The following CMSS1 variants were observed in gnomAD, a reference collection of about 807,000 sequenced individuals.
CMSS1 encodes cms1 ribosomal small subunit homolog, also known as protein CMSS1.
Under a neutral mutation model 43.5 loss-of-function variants are expected in CMSS1, and 33 were observed. The observed-to-expected ratio is 0.76, with a 90% CI of 0.57 to 1.01. The LOEUF is 1.01. Among genes scored for constraint, CMSS1 ranks in the 50% least tolerant of loss-of-function variants. The probability of loss-of-function intolerance (pLI) is 0.00; values close to 1 mark genes in which losing one functional copy is unlikely to be tolerated. For synonymous variants in CMSS1, 115 were observed against 117.2 expected, an observed-to-expected ratio of 0.98 and a Z score of 0.12; for missense variants, 313 against 326.4, an observed-to-expected ratio of 0.96 and a Z score of 0.32.
chr3:100,055,853 A>C (rs956801151), intron 1 of CMSS1, among the ~76,000 whole-genome samples: 1 of 152,226 alleles, frequency 6.6e-6, no homozygotes, highest in African/African-American at 2.4e-5. Context: ...CCACAATATG[A>C]AGGGTAGATA....
At chr3:100,173,864 C>T (rs1207902778) in intron 8 of CMSS1, among the ~76,000 whole-genome samples, 1 of 152,206 alleles carries the variant, frequency 6.6e-6, no homozygotes, top group Non-Finnish European at 1.5e-5. Flanking sequence ...AACTTACCAG[C>T]TCTGTGACCT....
At chr3:99,889,557 A>C (rs938537612) in intron 1 of CMSS1, among the ~76,000 whole-genome samples, 1 of 151,950 alleles carries the variant, frequency 6.6e-6, no homozygotes, top group Non-Finnish European at 1.5e-5. Flanking sequence ...TTTTAGCAGG[A>C]TCATTTTGTC....
chr3:100,147,181 A>T, intron 2 of CMSS1, 120 bp downstream of exon 2: 5 of 1,058,120 alleles, frequency 4.7e-6, no homozygotes, highest in South Asian at 2.7e-5. Context: ...AGAGCCTTTT[A>T]CTTTCTTTCC....
chr3:99,944,966 T>C (rs1345131243), intron 1 of CMSS1, among the ~76,000 whole-genome samples: 1 of 152,206 alleles, frequency 6.6e-6, no homozygotes, highest in Non-Finnish European at 1.5e-5. Flanking sequence ...CTACTGTTCA[T>C]TATTCGGCTC....
intron 1 of CMSS1, among the ~76,000 whole-genome samples, chr3:99,949,581 C>G (rs1401902901): frequency 1.3e-5 from 2 of 152,154 alleles, no homozygotes; most frequent in South Asian, 2.1e-4. Flanking sequence ...GAATCTTTCT[C>G]AGGGCACTAA....
chr3:100,029,819 G>A (rs919647134), intron 1 of CMSS1, among the ~76,000 whole-genome samples: 8 of 152,138 alleles, frequency 5.3e-5, no homozygotes, highest in African/African-American at 1.4e-4. Context: ...GACCAAAAGG[G>A]CAGATTCTGA....
chr3:100,030,342 G>A (rs927470559), intron 1 of CMSS1, among the ~76,000 whole-genome samples: 7 of 152,138 alleles, frequency 4.6e-5, no homozygotes, highest in Non-Finnish European at 1.0e-4. Context: ...TGGCTCCCTG[G>A]CATGCGTGTT....
intron 1 of CMSS1, among the ~76,000 whole-genome samples, chr3:99,892,202 GA>G (rs1706104646): frequency 6.6e-6 from 1 of 152,164 alleles, no homozygotes. Flanking sequence ...CTTGAATTAA[GA>G]AGTTTTTCAT....
At chr3:99,879,156 C>G (rs1429953341) in intron 1 of CMSS1, among the ~76,000 whole-genome samples, 1 of 152,192 alleles carries the variant, frequency 6.6e-6, no homozygotes, top group Admixed American at 6.5e-5. Context: ...TCTAAATCAG[C>G]ACTAGCTTTA....
Position 99,907,920 on chromosome 3 carries a change from A to G in CMSS1, c.64+89877A>G, listed in dbSNP as rs574232792. Among the ~76,000 whole-genome samples, 7 of 152,352 alleles carry G rather than the reference A, an allele frequency of 4.6e-5. No homozygotes were observed. The East Asian group carries it at 1.3e-3, about 29-fold the overall frequency. On this transcript the variant is annotated intron_variant, in intron 1 of 9. Transcript: ENST00000421999. Reference sequence around the variant, plus strand: ...CCATATGTGTGATCCAGTGCCTGGCACATGGAAGGAACTCAGTAAGCATTT... The same window carrying G: ...CCATATGTGTGATCCAGTGCCTGGCGCATGGAAGGAACTCAGTAAGCATTT...
At chr3:99,834,342 T>C (rs2107491071) in intron 1 of CMSS1, among the ~76,000 whole-genome samples, 1 of 152,370 alleles carries the variant, frequency 6.6e-6, no homozygotes, top group Middle Eastern at 3.4e-3. Flanking sequence ...CAATATCTGA[T>C]GCAAAGGTTA....
intron 1 of CMSS1, chr3:99,849,973 T>G (rs1466960088): frequency 1.2e-6 from 2 of 1,612,676 alleles, no homozygotes; most frequent in East Asian, 4.5e-5. Flanking sequence ...CAATTTGTTT[T>G]TTAAATCATC....
chr3:99,844,414 AT>A (rs1176085502), intron 1 of CMSS1, among the ~76,000 whole-genome samples: 1 of 152,146 alleles, frequency 6.6e-6, no homozygotes, highest in African/African-American at 2.4e-5. Context: ...AAGCAAAATG[AT>A]TATTTGGAGG....
At chr3:99,834,441 C>T (rs1942813338) in intron 1 of CMSS1, among the ~76,000 whole-genome samples, 1 of 152,164 alleles carries the variant, frequency 6.6e-6, no homozygotes, top group Admixed American at 6.5e-5. Context: ...GGAAATTATA[C>T]AGTCAGCAGT....
intron 1 of CMSS1, among the ~76,000 whole-genome samples, chr3:100,137,671 T>C (rs1234834778): frequency 1.3e-5 from 2 of 151,948 alleles, no homozygotes; most frequent in African/African-American, 4.8e-5. Context: ...CACGCCATTC[T>C]CCTGCCTCAG....
intron 1 of CMSS1, among the ~76,000 whole-genome samples, chr3:99,926,125 G>T (rs1436500788): frequency 2.0e-5 from 3 of 152,162 alleles, no homozygotes; most frequent in Non-Finnish European, 4.4e-5. Context: ...AATTTAAGTT[G>T]TGTATCCTAA....
chr3:99,880,298 G>A (rs533136447), intron 1 of CMSS1, among the ~76,000 whole-genome samples: 1 of 152,248 alleles, frequency 6.6e-6, no homozygotes, highest in South Asian at 2.1e-4. Flanking sequence ...ATACCCACAT[G>A]AAATATACCA....
intron 1 of CMSS1, among the ~76,000 whole-genome samples, chr3:100,011,085 A>AGAAGATT (rs1559724433): frequency 1.3e-5 from 2 of 152,180 alleles, no homozygotes; most frequent in African/African-American, 2.4e-5. Context: ...CTGTGATAAT[A>AGAAGATT]GAAGATTGAA....
intron 1 of CMSS1, among the ~76,000 whole-genome samples, chr3:99,920,666 C>A (rs1056266518): frequency 1.3e-5 from 2 of 152,200 alleles, no homozygotes; most frequent in African/African-American, 4.8e-5. Flanking sequence ...CCTGCCCCCA[C>A]CCACCCTCAG....
Sources: allele counts gnomAD v4.1 joint callset (sites outside exome capture counted in the v4.1 genomes callset), GRCh38; gene constraint gnomAD v4.1.1; transcripts MANE v1.5; gene names NCBI Gene and HGNC (gene_info 2026-07-23, HGNC 2026-07-21).